Variants in CSMD1 observed in about 807,000 individuals in gnomAD.
The protein encoded by CSMD1 is CUB and Sushi multiple domains 1.
A neutral mutation model predicts 417.5 loss-of-function variants in CSMD1; 213 were observed. The observed-to-expected ratio is 0.51, with a 90% CI of 0.46 to 0.57. CSMD1 has a LOEUF of 0.57. Among genes scored for constraint, CSMD1 ranks in the 20% least tolerant of loss-of-function variants. CSMD1 has a pLI of 0.00. For missense variants in CSMD1, 6,923 were observed against 4,529.7 expected, an observed-to-expected ratio of 1.53 and a Z score of -15.17; for synonymous variants, 2,862 against 1,736.8, an observed-to-expected ratio of 1.65 and a Z score of -16.11.
chr8:3,104,277 G>C (rs1027355408), intron 46 of CSMD1, among the ~76,000 whole-genome samples: 8 of 152,106 alleles, frequency 5.3e-5, no homozygotes, highest in African/African-American at 1.7e-4. Flanking sequence ...TCCATAAATA[G>C]ACCATTGTTG....
intron 5 of CSMD1, among the ~76,000 whole-genome samples, chr8:3,876,552 A>T (rs1805835706): frequency 6.6e-6 from 1 of 152,220 alleles, no homozygotes; most frequent in Non-Finnish European, 1.5e-5. Flanking sequence ...ATTCCTAAAA[A>T]ATTATTAATT....
chr8:4,986,403 A>G (rs1329016131), intron 1 of CSMD1, among the ~76,000 whole-genome samples: 2 of 152,214 alleles, frequency 1.3e-5, no homozygotes, highest in Non-Finnish European at 2.9e-5. Context: ...AAAAAAGAAG[A>G]GGAGGAAAAA....
At chr8:3,082,464 G>T (rs529839171) in intron 49 of CSMD1, among the ~76,000 whole-genome samples, 3 of 152,074 alleles carry the variant, frequency 2.0e-5, no homozygotes, top group African/African-American at 7.2e-5. Context: ...TACTCCCGCC[G>T]GATGACTATC....
At chr8:3,784,104 G>T (rs1047403909) in intron 5 of CSMD1, among the ~76,000 whole-genome samples, 1 of 151,908 alleles carries the variant, frequency 6.6e-6, no homozygotes, top group Non-Finnish European at 1.5e-5. Flanking sequence ...TAGTGTGTTT[G>T]GACAATAATA....
intron 1 of CSMD1, among the ~76,000 whole-genome samples, chr8:4,656,867 C>T (rs908818062): frequency 2.6e-5 from 4 of 152,122 alleles, no homozygotes; most frequent in Non-Finnish European, 5.9e-5. Context: ...ACCACCAAAT[C>T]AGCAGGGGCC....
intron 5 of CSMD1, among the ~76,000 whole-genome samples, chr8:3,930,091 G>C (rs76363201): frequency 1.3e-5 from 2 of 150,350 alleles, no homozygotes; most frequent in African/African-American, 2.5e-5. Context: ...TTCCTTGGAA[G>C]ATTATCTTTA....
intron 50 of CSMD1, among the ~76,000 whole-genome samples, chr8:3,040,873 A>T (rs907681439): frequency 1.3e-5 from 2 of 152,170 alleles, no homozygotes; most frequent in Non-Finnish European, 2.9e-5. Context: ...CTGTTAGAAT[A>T]TTTCTGAGTA....
intron 7 of CSMD1, among the ~76,000 whole-genome samples, chr8:3,657,393 T>C (rs1398983508): frequency 1.3e-5 from 2 of 151,902 alleles, no homozygotes; most frequent in Non-Finnish European, 2.9e-5. Context: ...CTGTATGGTA[T>C]CAAAGGTCTC....
chr8:4,415,661 C>G lies in CSMD1; in HGVS notation c.415+4292G>C, dbSNP rs571722169. Among the ~76,000 whole-genome samples the G allele has an allele frequency of 1.4e-4, 21 of 152,298 alleles. No homozygotes were observed. The Middle Eastern group carries it at 0.024, about 173-fold the overall frequency. ...ATCTTTGTATTCCTGTAACTTAACT[C>G]AGTATTGTGTCTCTGGTAGAGGCCC... On this transcript the variant is annotated intron_variant, in intron 3 of 69. Coordinates refer to ENST00000635120, the MANE Select transcript of CSMD1 (RefSeq NM_033225.6).
At chr8:4,676,973 T>C (rs1469411312) in intron 1 of CSMD1, among the ~76,000 whole-genome samples, 1 of 146,492 alleles carries the variant, frequency 6.8e-6, no homozygotes, top group Non-Finnish European at 1.5e-5. Context: ...ATATATAATA[T>C]ATATTATATA....
At chr8:3,702,030 A>T (rs1800899372) in intron 7 of CSMD1, 1 of 152,164 alleles carries the variant, frequency 6.6e-6, no homozygotes, top group African/African-American at 2.4e-5. Flanking sequence ...ACAAACAAAG[A>T]GCAAGGAAGT....
intron 1 of CSMD1, among the ~76,000 whole-genome samples, chr8:4,693,545 T>TA (rs1220971579): frequency 9.2e-5 from 14 of 152,260 alleles, no homozygotes; most frequent in Non-Finnish European, 1.5e-5. Flanking sequence ...TACATTTTTT[T>TA]ATTTTAAATA....
chr8:4,894,598 T>C (rs531220120), intron 1 of CSMD1, among the ~76,000 whole-genome samples: 1 of 151,710 alleles, frequency 6.6e-6, no homozygotes, highest in African/African-American at 2.4e-5. Context: ...ATATTGTGAA[T>C]GAAATAATAT....
chr8:3,312,489 C>G (rs62504442), intron 23 of CSMD1, among the ~76,000 whole-genome samples: 12,610 of 152,182 alleles, frequency 0.083, 674 homozygotes, highest in Non-Finnish European at 0.12. Flanking sequence ...AGTATTTGGC[C>G]ATTCTAGAGA....
intron 3 of CSMD1, among the ~76,000 whole-genome samples, chr8:4,309,805 T>C (rs113570471): frequency 1.3e-4 from 20 of 152,256 alleles, no homozygotes; most frequent in African/African-American, 3.6e-4. Flanking sequence ...TCCATATAGG[T>C]CCCTTCGCCC....
chr8:4,189,020 G>C (rs904107148), intron 3 of CSMD1, among the ~76,000 whole-genome samples: 2 of 152,058 alleles, frequency 1.3e-5, no homozygotes, highest in African/African-American at 2.4e-5. Flanking sequence ...ACGGTTACTG[G>C]GCAAAGCCAC....
At chr8:3,964,061 G>A (rs558288789) in intron 5 of CSMD1, among the ~76,000 whole-genome samples, 1 of 152,212 alleles carries the variant, frequency 6.6e-6, no homozygotes, top group South Asian at 2.1e-4. Context: ...AGCACAGCAT[G>A]AGGTGCTTGC....
intron 57 of CSMD1, among the ~76,000 whole-genome samples, chr8:2,967,569 G>C (rs1804078658): frequency 6.6e-6 from 1 of 151,828 alleles, no homozygotes; most frequent in African/African-American, 2.4e-5. Context: ...CTATTTACCA[G>C]AAAGATTGCT....
At chr8:3,724,610 C>T (rs927585365) in intron 6 of CSMD1, among the ~76,000 whole-genome samples, 9 of 152,084 alleles carry the variant, frequency 5.9e-5, no homozygotes, top group Admixed American at 3.9e-4. Context: ...TGAGAATTGG[C>T]CTCTGGGTCA....
Sources: gnomAD v4.1 joint callset for allele counts (sites outside exome capture counted in the v4.1 genomes callset) on GRCh38, gnomAD v4.1.1 for gene constraint, MANE v1.5 for transcripts, NCBI Gene and HGNC (gene_info 2026-07-23, HGNC 2026-07-21) for gene names.